The following FHOD3 variants were observed in gnomAD, a reference collection of about 807,000 sequenced individuals.
FHOD3 encodes the protein formin homology 2 domain containing 3, also known as FH1/FH2 domain-containing protein 3.
Under a neutral mutation model 173.0 loss-of-function variants are expected in FHOD3, and 90 were observed. That is an observed-to-expected ratio of 0.52 (90% CI 0.44 to 0.62). FHOD3 has a LOEUF of 0.62. Ranked by LOEUF, FHOD3 falls within the 20% of genes least tolerant of loss-of-function variation. The probability of loss-of-function intolerance (pLI) is 0.00; values close to 1 mark genes in which losing one functional copy is unlikely to be tolerated. For synonymous variants in FHOD3, 828 were observed against 823.0 expected, an observed-to-expected ratio of 1.01 and a Z score of -0.10; for missense variants, 1,945 against 2,034.7, an observed-to-expected ratio of 0.96 and a Z score of 0.85.
chr18:36,627,597 G>A (rs2034205736), intron 10 of FHOD3, among the ~76,000 whole-genome samples: 1 of 152,116 alleles, frequency 6.6e-6, no homozygotes, highest in African/African-American at 2.4e-5. Flanking sequence ...CATTAATTTA[G>A]TAGCATTTGA....
intron 3 of FHOD3, among the ~76,000 whole-genome samples, chr18:36,478,245 A>G (rs959257959): frequency 3.3e-5 from 5 of 152,326 alleles, no homozygotes; most frequent in Middle Eastern, 3.4e-3. Context: ...GGCCATTGTC[A>G]CATCTTTTTT....
Position 36,515,384 on chromosome 18 carries a change from AT to A in FHOD3, c.511+2848del, listed in dbSNP as rs1336146189. Among the ~76,000 whole-genome samples, 6 of 151,824 alleles carry A rather than the reference AT, an allele frequency of 4.0e-5. No homozygotes were observed. The South Asian group carries it at 1.0e-3, about 26-fold the overall frequency. Reference sequence around the variant, plus strand: ...AGGCGCCTGCCACCACACCTGCCTAATTTTTTTGTATTTTTAGTAGAGATGG... The same window carrying A: ...AGGCGCCTGCCACCACACCTGCCTAATTTTTTGTATTTTTAGTAGAGATGG... On this transcript the variant is annotated intron_variant, in intron 5 of 28. Coordinates refer to ENST00000590592, the MANE Select transcript of FHOD3 (RefSeq NM_001281740.3).
At position 36,744,047 on chromosome 18, in the gene FHOD3, T is replaced by A. The variant is rs754600394; in HGVS notation, c.3895T>A (p.Leu1299Ile). The part of the protein sequence containing the change: ...LNGTNAKAFE[L>I]SYLEKVPEVK... ...TGCAAAACAGGCCAAAGCGTTTGAGTTAAGCTACCTCGAGAAGGTTCCAGA... is the reference window on the plus strand; with the variant it reads ...TGCAAAACAGGCCAAAGCGTTTGAGATAAGCTACCTCGAGAAGGTTCCAGA... Residue 1299 changes from leucine (L) to isoleucine (I), a missense_variant, in exon 23 of 29, where the codon TTA becomes ATA. This residue lies in a region of FHOD3 where 231 missense variants were observed against 321.9 expected (regional missense o/e 0.72). Coordinates refer to ENST00000590592, the MANE Select transcript of FHOD3 (RefSeq NM_001281740.3). 2.5e-6 allele frequency: 4 copies of A among 1,614,152 alleles called. No individual in the cohort carries two copies. Among genetic ancestry groups the A allele is most frequent in the Non-Finnish European group, 3.4e-6 (4 of 1,180,044 alleles).
intron 6 of FHOD3, among the ~76,000 whole-genome samples, chr18:36,580,325 C>G (rs2148071149): frequency 6.6e-6 from 1 of 152,288 alleles, no homozygotes; most frequent in East Asian, 1.9e-4. Flanking sequence ...CTGTCTTCAT[C>G]TTTTATTTTC....
chr18:36,756,893 A>C (rs1225685483), intron 25 of FHOD3, among the ~76,000 whole-genome samples: 5 of 152,228 alleles, frequency 3.3e-5, no homozygotes, highest in Non-Finnish European at 7.3e-5. Flanking sequence ...ATCTCAGTTC[A>C]GTAGGATCCA....
intron 3 of FHOD3, among the ~76,000 whole-genome samples, chr18:36,405,009 G>A (rs12232760): frequency 0.21 from 32,439 of 152,114 alleles, 4,061 homozygotes; most frequent in East Asian, 0.67. Context: ...TTTTCCAGGT[G>A]ATCCTACCAG....
intron 19 of FHOD3, 54 bp from the exon 20 acceptor site, chr18:36,730,592 A>G (rs1055371706): frequency 6.4e-7 from 1 of 1,565,584 alleles, no homozygotes; most frequent in Admixed American, 1.9e-5. Context: ...AATGAAATGC[A>G]GAAAGGACCC....
chr18:36,717,772 C>T (rs2045802012), intron 18 of FHOD3, 60 bp from the exon 19 acceptor site: 2 of 1,511,298 alleles, frequency 1.3e-6, no homozygotes. Flanking sequence ...CTCATCGATT[C>T]TCTCATGGAA....
At position 36,771,368 on chromosome 18, in the gene FHOD3, G is replaced by A. The variant is rs147873491; in HGVS notation, c.4786+1942G>A. On this transcript the variant is annotated intron_variant, in intron 28 of 28. Transcript: ENST00000590592. ...CTCAGTTGCTCTAGGCCAAGGCAAC[G>A]CTTCCATTTTTGCCTATCTGCAGGC... Among the ~76,000 whole-genome samples the A allele has an allele frequency of 1.7e-3, 255 of 152,304 alleles. 1 individual carries two copies. Among genetic ancestry groups the A allele is most frequent in the Non-Finnish European group, 2.9e-3 (195 of 68,026 alleles).
chr18:36,579,048 T>G (rs1226425485), intron 6 of FHOD3, among the ~76,000 whole-genome samples: 1 of 152,188 alleles, frequency 6.6e-6, no homozygotes, highest in African/African-American at 2.4e-5. Flanking sequence ...ATGCTGGGCT[T>G]TCTAGGTTGC....
At chr18:36,603,313 C>T (rs1483435234) in intron 8 of FHOD3, among the ~76,000 whole-genome samples, 1 of 151,988 alleles carries the variant, frequency 6.6e-6, no homozygotes, top group Non-Finnish European at 1.5e-5. Context: ...CTGCAGTGTG[C>T]AGTACGGGAG....
At chr18:36,649,045 C>A (rs535776893) in intron 10 of FHOD3, among the ~76,000 whole-genome samples, 1 of 152,152 alleles carries the variant, frequency 6.6e-6, no homozygotes, top group African/African-American at 2.4e-5. Context: ...TGGCATCTAG[C>A]CAGCTTGACA....
chr18:36,599,628 C>T (rs2148442750), intron 7 of FHOD3, among the ~76,000 whole-genome samples: 1 of 152,298 alleles, frequency 6.6e-6, no homozygotes, highest in African/African-American at 2.4e-5. Flanking sequence ...GAGCTAAATA[C>T]CTTATTTTCC....
intron 18 of FHOD3, among the ~76,000 whole-genome samples, chr18:36,716,265 A>G (rs979360224): frequency 1.9e-4 from 29 of 152,306 alleles, no homozygotes; most frequent in Non-Finnish European, 2.8e-4. Flanking sequence ...GGCCTGGCCC[A>G]TGGTTGTGGT....
intron 1 of FHOD3, among the ~76,000 whole-genome samples, chr18:36,351,537 T>C (rs2046127905): frequency 6.6e-6 from 1 of 152,200 alleles, no homozygotes. Flanking sequence ...AGGAAGTGAT[T>C]ATGTGTTCCT....
At chr18:36,431,844 T>C (rs1465934056) in intron 3 of FHOD3, among the ~76,000 whole-genome samples, 6 of 152,208 alleles carry the variant, frequency 3.9e-5, no homozygotes, top group Non-Finnish European at 8.8e-5. Flanking sequence ...TTTTGTTGAA[T>C]GTAATTATGA....
Position 36,374,601 on chromosome 18 carries a change from A to G in FHOD3, c.337+1857A>G, listed in dbSNP as rs530879500. 2.5e-4 allele frequency among the ~76,000 whole-genome samples: 38 copies of G among 152,322 alleles called. No homozygotes were observed. In the East Asian group the frequency reaches 6.8e-3, roughly 27 times the overall value. On this transcript the variant is annotated intron_variant, in intron 3 of 28. Coordinates refer to ENST00000590592, the MANE Select transcript of FHOD3 (RefSeq NM_001281740.3). ...ATGATAACTATAAAAGGCGAGGGGG[A>G]ATATTATAAAATCTAAGAGGATTCT...
At chr18:36,409,179 G>T (rs932140914) in intron 3 of FHOD3, among the ~76,000 whole-genome samples, 1 of 152,106 alleles carries the variant, frequency 6.6e-6, no homozygotes, top group African/African-American at 2.4e-5. Context: ...TCTTGGGGGG[G>T]TAATTCTCCT....
chr18:36,550,242 C>CTATATATATATATA (rs2057590732), intron 5 of FHOD3, among the ~76,000 whole-genome samples: 2 of 73,344 alleles, frequency 2.7e-5, no homozygotes, highest in African/African-American at 5.2e-5. Context: ...CAGTGGTAGA[C>CTATATATATATATA]CATATATATA....
Sources: allele counts gnomAD v4.1 joint callset (sites outside exome capture counted in the v4.1 genomes callset), GRCh38; gene constraint gnomAD v4.1.1; regional missense constraint gnomAD v4.1.1; transcripts MANE v1.5; gene names NCBI Gene and HGNC (gene_info 2026-07-23, HGNC 2026-07-21).